Variants in SMPX observed in about 807,000 individuals in gnomAD.
SMPX encodes the protein small muscular protein.
Under a neutral mutation model 6.3 loss-of-function variants are expected in SMPX, and 2 were observed. The ratio of observed to expected loss-of-function variants is 0.32; its 90% CI spans 0.13 to 0.99. The LOEUF is 0.99. Ranked by LOEUF, SMPX falls within the 50% of genes least tolerant of loss-of-function variation. The probability of loss-of-function intolerance (pLI) is 0.49; values close to 1 mark genes in which losing one functional copy is unlikely to be tolerated. For missense variants in SMPX, 60 were observed against 66.8 expected, an observed-to-expected ratio of 0.90 and a Z score of 0.36; for synonymous variants, 32 against 24.7, an observed-to-expected ratio of 1.30 and a Z score of -0.88.
Position 21,726,923 on chromosome X carries a change from A to T in SMPX, c.*14+10626T>A, listed in dbSNP as rs147578757. ...TTCAGTGGGATAACTGTTTTCCAAC[A>T]TCCTGTCTAGACTCTTTCTTTGTCA... On this transcript the variant is annotated intron_variant, in intron 4 of 4. Coordinates refer to ENST00000379494, the MANE Select transcript of SMPX (RefSeq NM_014332.3). Among the ~76,000 whole-genome samples the T allele has an allele frequency of 7.1e-4, 80 of 112,388 alleles. No homozygotes were observed. The East Asian group carries it at 0.014, about 20-fold the overall frequency.
At chrX:21,729,314 G>A (rs1434972051) in intron 4 of SMPX, among the ~76,000 whole-genome samples, 1 of 112,759 alleles carries the variant, frequency 8.9e-6, no homozygotes, top group African/African-American at 3.2e-5. Context: ...AACCTTTCAA[G>A]CAGGTAAATC....
intron 4 of SMPX, among the ~76,000 whole-genome samples, chrX:21,717,945 T>G (rs1300547955): frequency 8.9e-6 from 1 of 112,214 alleles, no homozygotes; most frequent in Non-Finnish European, 1.9e-5. Context: ...AGAGGTTCAC[T>G]AGGATTGGAG....
intron 2 of SMPX, among the ~76,000 whole-genome samples, chrX:21,746,491 A>G (rs779576684): frequency 1.8e-5 from 2 of 111,424 alleles, no homozygotes; most frequent in East Asian, 5.6e-4. Context: ...TTGGAGACTT[A>G]CACTTTGAGA....
At chrX:21,754,988 G>A (rs2092831335) in intron 1 of SMPX, among the ~76,000 whole-genome samples, 1 of 112,450 alleles carries the variant, frequency 8.9e-6, no homozygotes, top group Non-Finnish European at 1.9e-5. Context: ...TTTCAAGGAG[G>A]CAAGGAAGAT....
rs754341588 is a variant in SMPX at position 21,756,196 on chromosome X, A to G, written c.-13+1746T>C. Among the ~76,000 whole-genome samples the G allele has an allele frequency of 3.6e-5, 4 of 112,621 alleles. No individual in the cohort carries two copies. In the East Asian group the frequency reaches 1.1e-3, roughly 31 times the overall value. The stretch of plus-strand genomic sequence containing the variant: ...CACTTGGGAACTTGTTAAAAAAATT[A>G]TTGTACATCAATTTGAAACAGGGAT... On this transcript the variant is annotated intron_variant, in intron 1 of 4. Transcript: ENST00000379494.
rs1358380256 is a variant in SMPX at position 21,734,831 on chromosome X, T to C, written c.*14+2718A>G. On this transcript the variant is annotated intron_variant, in intron 4 of 4. Transcript: ENST00000379494. ...TGATTTCTGTGAACAATTCTATCCA[T>C]GACACAGGGCATGGAAAGAATCTGA... Among the ~76,000 whole-genome samples the C allele has an allele frequency of 2.7e-5, 3 of 111,744 alleles. 1 individual carries two copies. Among genetic ancestry groups the C allele is most frequent in the Non-Finnish European group, 5.6e-5 (3 of 53,153 alleles).
chrX:21,721,669 T>C (rs748397604), intron 4 of SMPX, among the ~76,000 whole-genome samples: 1 of 111,944 alleles, frequency 8.9e-6, no homozygotes, highest in East Asian at 2.8e-4. Context: ...ACTCAGCAAG[T>C]CCAGGTGATT....
chrX:21,754,145 A>G, intron 2 of SMPX, 101 bp downstream of exon 2: 1 of 733,572 alleles, frequency 1.4e-6, no homozygotes, highest in Admixed American at 2.2e-5. Flanking sequence ...TCTTATGAAG[A>G]ACTTAATTTT....
intron 4 of SMPX, among the ~76,000 whole-genome samples, chrX:21,707,014 G>A (rs923808433): frequency 1.0e-4 from 11 of 108,170 alleles, no homozygotes; most frequent in Non-Finnish European, 1.1e-4. Context: ...GCACGAGAAC[G>A]GACTAATACG....
intron 4 of SMPX, among the ~76,000 whole-genome samples, chrX:21,731,474 A>C (rs751258673): frequency 1.2e-5 from 1 of 83,372 alleles, no homozygotes; most frequent in Non-Finnish European, 2.4e-5. Flanking sequence ...ATGTGTACAC[A>C]TACACATTAT....
At chrX:21,709,034 A>G (rs1335947285) in intron 4 of SMPX, among the ~76,000 whole-genome samples, 1 of 112,512 alleles carries the variant, frequency 8.9e-6, no homozygotes, top group East Asian at 2.8e-4. Context: ...GTGTTACCAC[A>G]TTTTCTTTAT....
chrX:21,747,940 A>G (rs190113194), intron 2 of SMPX, among the ~76,000 whole-genome samples: 1 of 111,922 alleles, frequency 8.9e-6, no homozygotes, highest in African/African-American at 3.2e-5. Context: ...GAAATTCTAC[A>G]GGGTTGCATT....
chrX:21,706,815 A>G (rs986956229), intron 4 of SMPX, among the ~76,000 whole-genome samples: 1 of 109,790 alleles, frequency 9.1e-6, no homozygotes, highest in African/African-American at 3.3e-5. Context: ...AGATCTCATG[A>G]TTTTATAATG....
chrX:21,737,548 C>T lies in SMPX; in HGVS notation c.*14+1G>A, dbSNP rs761398278. 1 of 1,204,346 alleles carries T rather than the reference C, an allele frequency of 8.3e-7. No individual in the cohort carries two copies. Among genetic ancestry groups the T allele is most frequent in the Non-Finnish European group, 1.1e-6 (1 of 889,290 alleles). On this transcript the variant is annotated splice_donor_variant, in intron 4 of 4. Transcript: ENST00000379494. LOFTEE classifies it low-confidence loss of function (3UTR_SPLICE). ...GACAAAGAAGATAGTTTTTCACTCACCTTTTTTCTTCCTACTACTGTTCAG... is the reference window on the plus strand; with the variant it reads ...GACAAAGAAGATAGTTTTTCACTCATCTTTTTTCTTCCTACTACTGTTCAG...
chrX:21,706,071 C>A lies in SMPX; in HGVS notation c.*338G>T, dbSNP rs1260940236. ...ACTAAAACGCATTCCAAATATTGACCAAAATACTGTAGGAAGTAGCTTGGG... is the reference window on the plus strand; with the variant it reads ...ACTAAAACGCATTCCAAATATTGACAAAAATACTGTAGGAAGTAGCTTGGG... On this transcript the variant is annotated 3_prime_UTR_variant, in exon 5 of 5. Coordinates refer to ENST00000379494, the MANE Select transcript of SMPX (RefSeq NM_014332.3). The A allele has an allele frequency of 2.0e-6, 1 of 510,442 alleles. No individual in the cohort carries two copies. Among genetic ancestry groups the A allele is most frequent in the African/African-American group, 2.3e-5 (1 of 43,772 alleles). The allele number at this position is 510,442 out of a possible 1,213,427, so 42.1% of individuals were successfully genotyped here.
At position 21,706,171 on chromosome X, in the gene SMPX, C is replaced by A; in HGVS notation, c.*238G>T. 2.0e-6 allele frequency: 1 copy of A among 511,956 alleles called. No individual in the cohort carries two copies. The highest frequency in any genetic ancestry group is 3.5e-6 in the Non-Finnish European group (1 of 285,868). The allele number at this position is 511,956 out of a possible 1,213,427, so 42.2% of individuals were successfully genotyped here. On this transcript the variant is annotated 3_prime_UTR_variant, in exon 5 of 5. Transcript: ENST00000379494. ...AATCATATCCCTCCTCAAAACCACA[C>A]CCTCCAGGTGTTGAATTTATGGGCT... is the stretch of plus-strand genomic sequence containing the variant.
rs2092830490 is a variant in SMPX, at chrX:21,754,311, A to G, written c.-12-9T>C. 8.5e-7 allele frequency: 1 copy of G among 1,179,013 alleles called. No individual in the cohort carries two copies. The highest frequency in any genetic ancestry group is 1.8e-5 in the South Asian group (1 of 56,239). ...TTCATGCAGTCTTATCCCTAAAAAAACAAGTAAGAAACTGTTAGAGGTGGC... is the reference window on the plus strand; with the variant it reads ...TTCATGCAGTCTTATCCCTAAAAAAGCAAGTAAGAAACTGTTAGAGGTGGC... On this transcript the variant is annotated splice_polypyrimidine_tract_variant and intron_variant, in intron 1 of 4. Coordinates refer to ENST00000379494, the MANE Select transcript of SMPX (RefSeq NM_014332.3).
intron 4 of SMPX, among the ~76,000 whole-genome samples, chrX:21,716,162 G>A (rs973785191): frequency 2.7e-5 from 3 of 112,239 alleles, no homozygotes; most frequent in Non-Finnish European, 5.6e-5. Flanking sequence ...CTTATACCTC[G>A]TCTCACAGTG....
At chrX:21,750,891 T>C (rs1269879737) in intron 2 of SMPX, among the ~76,000 whole-genome samples, 1 of 112,330 alleles carries the variant, frequency 8.9e-6, no homozygotes, top group African/African-American at 3.2e-5. Context: ...GGAATTTGTA[T>C]ACTATAGATT....
Sources: gnomAD v4.1 joint callset for allele counts (sites outside exome capture counted in the v4.1 genomes callset) on GRCh38, gnomAD v4.1.1 for gene constraint, MANE v1.5 for transcripts, NCBI Gene and HGNC (gene_info 2026-07-23, HGNC 2026-07-21) for gene names.